Variants in GOLIM4 observed in about 807,000 individuals in gnomAD.
The protein encoded by GOLIM4 is golgi integral membrane protein 4, also known as 130 kDa golgi-localized phosphoprotein.
Under a neutral mutation model 107.4 loss-of-function variants are expected in GOLIM4, and 71 were observed. That is an observed-to-expected ratio of 0.66 (90% CI 0.55 to 0.81). GOLIM4 has a LOEUF of 0.81. Among genes scored for constraint, GOLIM4 ranks in the 30% least tolerant of loss-of-function variants. GOLIM4 has a pLI of 0.00. For synonymous variants in GOLIM4, 327 were observed against 294.8 expected (o/e 1.11, Z -1.12); for missense variants, 830 against 826.1 (o/e 1.00, Z -0.06).
chr3:168,013,324 C>T (rs1717167423), intron 14 of GOLIM4, among the ~76,000 whole-genome samples: 1 of 151,988 alleles, frequency 6.6e-6, no homozygotes, highest in Admixed American at 6.6e-5. Context: ...GGGATCAATT[C>T]AACAAGAAGA....
chr3:168,062,917 TGA>T (rs1325492501), intron 1 of GOLIM4, among the ~76,000 whole-genome samples: 1 of 151,806 alleles, frequency 6.6e-6, no homozygotes, highest in Non-Finnish European at 1.5e-5. Flanking sequence ...GCGGAGGGAG[TGA>T]GAGTCCACCG....
chr3:168,024,474 A>AGT, intron 14 of GOLIM4, 52 bp downstream of exon 14: 1 of 1,190,718 alleles, frequency 8.4e-7, no homozygotes, highest in Middle Eastern at 1.9e-4. Context: ...GTTTAAGGTT[A>AGT]GTGTGTGTGA....
At chr3:168,062,771 C>T (rs1053723465) in intron 1 of GOLIM4, among the ~76,000 whole-genome samples, 2 of 152,094 alleles carry the variant, frequency 1.3e-5, no homozygotes, top group African/African-American at 4.8e-5. Flanking sequence ...GAGGAATGCA[C>T]TGAAGCAAAC....
intron 1 of GOLIM4, among the ~76,000 whole-genome samples, chr3:168,070,576 G>A (rs1006416096): frequency 3.3e-5 from 5 of 152,124 alleles, no homozygotes; most frequent in Admixed American, 6.5e-5. Flanking sequence ...CAAAGGTAAA[G>A]TAAAATTATA....
At chr3:168,076,006 T>C (rs1329831736) in intron 1 of GOLIM4, among the ~76,000 whole-genome samples, 3 of 152,076 alleles carry the variant, frequency 2.0e-5, no homozygotes, top group Non-Finnish European at 4.4e-5. Context: ...AAACCTCACA[T>C]TAAATGGAAG....
At position 168,032,672 on chromosome 3, in the gene GOLIM4, C is replaced by A; in HGVS notation, c.1024G>T (p.Ala342Ser). Residue 342 changes from alanine (A) to serine (S), a missense_variant, in exon 9 of 16, where the codon GCC (alanine) becomes TCC (serine). Coordinates refer to ENST00000470487, the MANE Select transcript of GOLIM4 (RefSeq NM_014498.5). ...TGCTCCATTTCTTCCTCCTCCAGGG[C>A]CTTTCTGTGCTCCTCTTCCACCTGA... ...EHQVEEEHRK[A>S]LEEEEMEQVG... 1.2e-6 allele frequency: 2 copies of A among 1,614,052 alleles called. No homozygotes were observed. Among genetic ancestry groups the A allele is most frequent in the Non-Finnish European group, 1.7e-6 (2 of 1,180,008 alleles).
intron 1 of GOLIM4, among the ~76,000 whole-genome samples, chr3:168,086,126 C>T (rs1721609280): frequency 6.6e-6 from 1 of 151,960 alleles, no homozygotes; most frequent in African/African-American, 2.4e-5. Flanking sequence ...TTTATAGCAT[C>T]CAAACCTCTA....
chr3:168,075,276 A>T (rs1721011140), intron 1 of GOLIM4, among the ~76,000 whole-genome samples: 1 of 149,842 alleles, frequency 6.7e-6, no homozygotes, highest in Non-Finnish European at 1.5e-5. Flanking sequence ...TAATTGGCGG[A>T]CATTCACTAG....
chr3:168,074,453 AG>A (rs1197136488), intron 1 of GOLIM4, among the ~76,000 whole-genome samples: 1 of 152,194 alleles, frequency 6.6e-6, no homozygotes, highest in Non-Finnish European at 1.5e-5. Context: ...AGTACATTCC[AG>A]ACAAAAATAA....
chr3:168,025,062 C>T lies in GOLIM4; in HGVS notation c.1657G>A (p.Asp553Asn). ...AAVEDINPADDPNNQGEDEFE... is the reference protein window; with the variant it reads ...AAVEDINPADNPNNQGEDEFE... The stretch of plus-strand genomic sequence containing the variant: ...TCATCCTCACCTTGATTATTAGGGT[C>T]ATCTGCTGGGTTTATATCTTCTACA... Residue 553 changes from aspartate (D) to asparagine (N), a missense_variant, in exon 13 of 16, where the codon GAC becomes AAC. Physicochemically the swap from Asp to Asn is conservative, Grantham distance 23 (BLOSUM62 1). Transcript: ENST00000470487. 6.2e-7 allele frequency: 1 copy of T among 1,613,896 alleles called. No homozygotes were observed. Among genetic ancestry groups the T allele is most frequent in the Non-Finnish European group, 8.5e-7 (1 of 1,179,842 alleles).
At chr3:168,040,078 G>A (rs1191881920) in intron 7 of GOLIM4, among the ~76,000 whole-genome samples, 1 of 152,194 alleles carries the variant, frequency 6.6e-6, no homozygotes, top group East Asian at 1.9e-4. Context: ...GAATAAAAGT[G>A]AAGATCTAGT....
At chr3:168,081,073 A>C (rs1341329247) in intron 1 of GOLIM4, among the ~76,000 whole-genome samples, 1 of 152,198 alleles carries the variant, frequency 6.6e-6, no homozygotes, top group African/African-American at 2.4e-5. Flanking sequence ...GCCTGTGGTG[A>C]ATGTTAGCAG....
intron 1 of GOLIM4, among the ~76,000 whole-genome samples, chr3:168,084,346 T>C (rs936671791): frequency 4.6e-5 from 7 of 152,304 alleles, no homozygotes; most frequent in Middle Eastern, 6.8e-3. Context: ...TAGTTCTTTC[T>C]AGCAATGTGA....
chr3:168,029,253 C>T lies in GOLIM4; in HGVS notation c.1483G>A (p.Glu495Lys), dbSNP rs1718173795. 1 of 1,610,890 alleles carries T rather than the reference C, an allele frequency of 6.2e-7. No individual in the cohort carries two copies. The change falls in exon 11 of 16, where the codon GAG (glutamate) becomes AAG (lysine). Residue 495 changes from glutamate to lysine, a missense_variant. Glu to Lys is a moderately conservative substitution (Grantham distance 56). Transcript: ENST00000470487. ...TCCTCTCCTTGGATTCCCTGGTCCT[C>T]TGCTCCCTGAACGATATCATTATCC... ...AMDNDIVQGA[E>K]DQGIQGEEGA...
chr3:168,068,287 A>G (rs1720651327), intron 1 of GOLIM4, among the ~76,000 whole-genome samples: 2 of 152,090 alleles, frequency 1.3e-5, no homozygotes, highest in Non-Finnish European at 2.9e-5. Flanking sequence ...TCCATTCCCT[A>G]TTGTGACGAA....
intron 14 of GOLIM4, among the ~76,000 whole-genome samples, chr3:168,011,047 T>A (rs1437251047): frequency 6.6e-6 from 1 of 152,188 alleles, no homozygotes; most frequent in Non-Finnish European, 1.5e-5. Flanking sequence ...GGAGCCAAGA[T>A]GGCCGAATAG....
chr3:168,036,802 A>T (rs1260678172), intron 8 of GOLIM4, 34 bp downstream of exon 8: 4 of 1,529,056 alleles, frequency 2.6e-6, no homozygotes, highest in Non-Finnish European at 3.5e-6. Context: ...AGAGAAAGTG[A>T]CCTAACCATA....
At chr3:168,024,432 A>G (rs1243471928) in intron 14 of GOLIM4, 94 bp downstream of exon 14, 10 of 936,846 alleles carry the variant, frequency 1.1e-5, no homozygotes, top group Non-Finnish European at 1.6e-5. Context: ...ATTTCTGTGG[A>G]AGGCATGTCA....
intron 14 of GOLIM4, among the ~76,000 whole-genome samples, chr3:168,012,769 A>G (rs1717128340): frequency 6.6e-6 from 1 of 152,128 alleles, no homozygotes; most frequent in South Asian, 2.1e-4. Context: ...TCAACCCAGA[A>G]TTTCATATCC....
Sources: allele counts gnomAD v4.1 joint callset (sites outside exome capture counted in the v4.1 genomes callset), GRCh38; gene constraint gnomAD v4.1.1; transcripts MANE v1.5; gene names NCBI Gene and HGNC (gene_info 2026-07-23, HGNC 2026-07-21).